Variants in UBR4 observed in about 807,000 individuals in gnomAD.
UBR4 encodes the protein ubiquitin protein ligase E3 component n-recognin 4, also known as E3 ubiquitin-protein ligase UBR4.
A neutral mutation model predicts 575.6 loss-of-function variants in UBR4; 124 were observed. The ratio of observed to expected loss-of-function variants is 0.22; its 90% CI spans 0.19 to 0.25. The LOEUF (loss-of-function observed/expected upper bound fraction) is 0.25, where lower values mean the gene tolerates loss of function less well. UBR4 is among the 10% of genes least tolerant of loss of function. UBR4 has a pLI of 1.00. For missense variants in UBR4, 4,818 were observed against 6,478.8 expected (o/e 0.74, Z 8.80); for synonymous variants, 2,455 against 2,473.7 (o/e 0.99, Z 0.22).
At chr1:19,128,920 C>T (rs1319990478) in intron 61 of UBR4, 58 bp downstream of exon 61, 33 of 1,484,538 alleles carry the variant, frequency 2.2e-5, no homozygotes, top group Non-Finnish European at 3.0e-5. Flanking sequence ...GAGATGTGGG[C>T]ATGCTTAAGG....
At chr1:19,095,109 C>T (rs1404207581) in intron 93 of UBR4, 84 bp from the exon 94 acceptor site, 3 of 1,592,370 alleles carry the variant, frequency 1.9e-6, no homozygotes, top group Non-Finnish European at 2.6e-6. Flanking sequence ...AGGATGCCCT[C>T]ACAGCCTTAC....
In UBR4 at chr1:19,110,391, C is replaced by T. The variant is rs775366664; in HGVS notation, c.11966G>A (p.Arg3989Gln). 1.1e-5 allele frequency: 17 copies of T among 1,614,116 alleles called. No homozygotes were observed. The highest frequency in any genetic ancestry group is 1.7e-5 in the Admixed American group (1 of 60,024). ...ISKEDSCWEL[R>Q]LRCALSLFLM... ...ATCCCCTAACTCACCACAGCGTAAC[C>T]GGAGCTCCCAGCAGCTGTCCTCCTT... The change falls in exon 80 of 106, where the codon CGG (arginine) becomes CAG (glutamine). Residue 3989 changes from arginine to glutamine, a missense_variant. By Grantham distance (43) the Arg-to-Gln change is conservative. This residue lies in a region of UBR4 where 333 missense variants were observed against 459.2 expected (regional missense o/e 0.73). Coordinates refer to ENST00000375254, the MANE Select transcript of UBR4 (RefSeq NM_020765.3). The surrounding 1 kb of genome is among the most constrained non-coding windows in gnomAD (Gnocchi z 4.5).
chr1:19,164,638 G>GA (rs564618250), intron 32 of UBR4, among the ~76,000 whole-genome samples, 161 bp downstream of exon 32: 11 of 152,152 alleles, frequency 7.2e-5, no homozygotes, highest in Admixed American at 1.3e-4. Flanking sequence ...TTTTCCATGG[G>GA]AAAAAAATCA....
At chr1:19,208,225 T>G (rs2093106486) in intron 1 of UBR4, among the ~76,000 whole-genome samples, 2 of 152,172 alleles carry the variant, frequency 1.3e-5, no homozygotes, top group Admixed American at 1.3e-4. Context: ...TCCAGCACTT[T>G]GGGAGGCCAA....
intron 52 of UBR4, chr1:19,146,181 C>T: frequency 7.9e-7 from 1 of 1,272,940 alleles, no homozygotes; most frequent in Non-Finnish European, 1.1e-6. Context: ...ATGTTTACCG[C>T]AGATTCAAAG....
chr1:19,182,983 A>G lies in UBR4; in HGVS notation c.2184+828T>C, dbSNP rs527263099. ...AGATTTAGGATTCAAGACATCAGCT[A>G]TTTCAGAGGGGAGAGAGAACCATAA... On this transcript the variant is annotated intron_variant, in intron 17 of 105. Transcript: ENST00000375254. 2.2e-4 allele frequency among the ~76,000 whole-genome samples: 33 copies of G among 152,334 alleles called. 1 individual carries two copies. In the South Asian group the frequency reaches 6.6e-3, roughly 31 times the overall value.
intron 8 of UBR4, among the ~76,000 whole-genome samples, chr1:19,196,394 A>C (rs2092458209): frequency 6.6e-6 from 1 of 152,216 alleles, no homozygotes; most frequent in African/African-American, 2.4e-5. Flanking sequence ...GGTCTCCAAG[A>C]CTATCTGCTC....
chr1:19,144,275 T>G (rs2084525642), intron 54 of UBR4, among the ~76,000 whole-genome samples, 184 bp from the exon 55 acceptor site: 1 of 152,206 alleles, frequency 6.6e-6, no homozygotes, highest in Non-Finnish European at 1.5e-5. Flanking sequence ...CTGGCACACA[T>G]TAAGAGCCAT....
rs543556806 is a variant in UBR4 at position 19,119,673 on chromosome 1, G to A, written c.10339C>T (p.Leu3447=). The change falls in exon 70 of 106, where the codon CTG becomes TTG. Residue 3447 remains leucine (L), a synonymous_variant. Transcript: ENST00000375254. ...RNSSKSQQEL[L]LDLMWSIWPE... Reference sequence around the variant, plus strand: ...CAGATGGACCACATCAGATCTAGCAGGAGCTCCTGTTGAGATTTGCTGGAA... The same window carrying A: ...CAGATGGACCACATCAGATCTAGCAAGAGCTCCTGTTGAGATTTGCTGGAA... 2.0e-4 allele frequency: 319 copies of A among 1,612,930 alleles called. 4 individuals carry two copies. In the South Asian group the frequency reaches 3.4e-3, roughly 17 times the overall value.
chr1:19,107,469 T>C (rs886217327), intron 81 of UBR4, among the ~76,000 whole-genome samples: 3 of 152,278 alleles, frequency 2.0e-5, no homozygotes, highest in South Asian at 4.1e-4. Context: ...GTTGTATCTA[T>C]TGCCATTTCT....
intron 4 of UBR4, 56 bp downstream of exon 4, chr1:19,198,743 T>C: frequency 3.1e-6 from 5 of 1,612,424 alleles, no homozygotes; most frequent in Non-Finnish European, 3.4e-6. Flanking sequence ...AAAGGTGCCA[T>C]GGAAAAGGTG....
At chr1:19,145,476 A>G (rs994386181) in intron 53 of UBR4, among the ~76,000 whole-genome samples, 1 of 150,730 alleles carries the variant, frequency 6.6e-6, no homozygotes, top group African/African-American at 2.4e-5. Flanking sequence ...CCAAGTTGTC[A>G]AAGATTTTTA....
At chr1:19,185,664 C>T (rs886488927) in intron 14 of UBR4, among the ~76,000 whole-genome samples, 7 of 151,576 alleles carry the variant, frequency 4.6e-5, no homozygotes, top group African/African-American at 1.5e-4. Flanking sequence ...ACCTCCACCT[C>T]CCAGGTTCAA....
intron 13 of UBR4, 46 bp from the exon 14 acceptor site, chr1:19,186,703 C>T: frequency 6.4e-7 from 1 of 1,566,182 alleles, no homozygotes; most frequent in East Asian, 2.3e-5. Flanking sequence ...TATTTAATCT[C>T]ATGCATCGCA....
At chr1:19,108,864 C>T (rs935651772) in intron 81 of UBR4, among the ~76,000 whole-genome samples, 5 of 152,178 alleles carry the variant, frequency 3.3e-5, no homozygotes, top group African/African-American at 1.2e-4. Flanking sequence ...TGTGAACATC[C>T]ACACCAGGCC....
At chr1:19,078,334 G>A (rs981742584) in intron 103 of UBR4, 22 of 366,386 alleles carry the variant, frequency 6.0e-5, no homozygotes, top group African/African-American at 1.7e-4. Flanking sequence ...AAATGGAACC[G>A]GGGGAGACAT....
intron 64 of UBR4, chr1:19,125,753 T>C (rs2081666405): frequency 6.6e-6 from 1 of 151,700 alleles, no homozygotes; most frequent in Non-Finnish European, 1.5e-5. Flanking sequence ...AAGACAACGA[T>C]CAGATCCACA....
Position 19,074,780 on chromosome 1 carries a change from G to T in UBR4, c.*52C>A. On this transcript the variant is annotated 3_prime_UTR_variant, in exon 106 of 106. Coordinates refer to ENST00000375254, the MANE Select transcript of UBR4 (RefSeq NM_020765.3). ...TTAATGCACAAGGAGGGAGAACAGA[G>T]GGTGGAAGGCAAGCCAGCTTCGTCT... The T allele has an allele frequency of 1.3e-6, 2 of 1,594,162 alleles. No homozygotes were observed. The highest frequency in any genetic ancestry group is 1.1e-5 in the South Asian group (1 of 89,478).
At chr1:19,191,732 C>T (rs1487758827) in intron 11 of UBR4, among the ~76,000 whole-genome samples, 1 of 152,082 alleles carries the variant, frequency 6.6e-6, no homozygotes, top group Non-Finnish European at 1.5e-5. Context: ...GCTTAGAAAA[C>T]GAAACCTGAA....
Sources: gnomAD v4.1 joint callset for allele counts (sites outside exome capture counted in the v4.1 genomes callset) on GRCh38, gnomAD v4.1.1 for gene constraint, gnomAD v4.1.1 regional missense constraint, Gnocchi (gnomAD v3.1) non-coding constraint, MANE v1.5 for transcripts, NCBI Gene and HGNC (gene_info 2026-07-23, HGNC 2026-07-21) for gene names.